The following PCGF5 variants were observed in gnomAD, a reference collection of about 807,000 sequenced individuals.
PCGF5 encodes the protein polycomb group ring finger 5.
A neutral mutation model predicts 44.3 loss-of-function variants in PCGF5; 9 were observed. That is an observed-to-expected ratio of 0.20 (90% CI 0.12 to 0.35). The LOEUF (loss-of-function observed/expected upper bound fraction) is 0.35, where lower values mean the gene tolerates loss of function less well. PCGF5 is among the 10% of genes least tolerant of loss of function. PCGF5 has a pLI of 1.00. For synonymous variants in PCGF5, 95 were observed against 102.5 expected, an observed-to-expected ratio of 0.93 and a Z score of 0.44; for missense variants, 146 against 305.3, an observed-to-expected ratio of 0.48 and a Z score of 3.89.
chr10:91,173,502 C>T (rs191362511), intron 1 of PCGF5, among the ~76,000 whole-genome samples: 40 of 151,134 alleles, frequency 2.6e-4, no homozygotes, highest in African/African-American at 9.7e-4. Context: ...AACTACCACC[C>T]AGCTCAAGAA....
chr10:91,270,351 C>A, intron 8 of PCGF5, among the ~76,000 whole-genome samples: 1 of 149,324 alleles, frequency 6.7e-6, no homozygotes, highest in African/African-American at 2.5e-5. Flanking sequence ...CAAGTATATA[C>A]ATCTTGACTG....
At chr10:91,259,041 G>T (rs1464671626) in intron 6 of PCGF5, among the ~76,000 whole-genome samples, 3 of 152,030 alleles carry the variant, frequency 2.0e-5, no homozygotes, top group Non-Finnish European at 4.4e-5. Context: ...ATGTAATTTT[G>T]TTTCACATAT....
At chr10:91,178,541 C>A (rs1336015516) in intron 1 of PCGF5, among the ~76,000 whole-genome samples, 1 of 151,920 alleles carries the variant, frequency 6.6e-6, no homozygotes, top group Non-Finnish European at 1.5e-5. Flanking sequence ...AAGTGCAATT[C>A]ACCACACCCG....
chr10:91,219,525 C>T (rs572343279), upstream of PCGF5, among the ~76,000 whole-genome samples: 1 of 152,158 alleles, frequency 6.6e-6, no homozygotes, highest in Non-Finnish European at 1.5e-5. Context: ...AAAGAGTAAT[C>T]CTACTGCCAT....
At chr10:91,178,158 A>T (rs1336918503) in intron 1 of PCGF5, among the ~76,000 whole-genome samples, 1 of 152,230 alleles carries the variant, frequency 6.6e-6, no homozygotes, top group Non-Finnish European at 1.5e-5. Context: ...CTGGGAAAAA[A>T]CATTGGCATA....
At chr10:91,190,755 C>T (rs1053283362) in intron 1 of PCGF5, among the ~76,000 whole-genome samples, 5 of 152,124 alleles carry the variant, frequency 3.3e-5, no homozygotes, top group Non-Finnish European at 5.9e-5. Flanking sequence ...TGAGCTGTTG[C>T]TTTAAATGTA....
intron 1 of PCGF5, among the ~76,000 whole-genome samples, chr10:91,188,369 T>C (rs1246094447): frequency 6.6e-6 from 1 of 152,212 alleles, no homozygotes; most frequent in Non-Finnish European, 1.5e-5. Context: ...TCTAAAATCA[T>C]AGGCTTTAGT....
chr10:91,270,008 T>C lies in PCGF5; in HGVS notation c.664-1630T>C, dbSNP rs146550590. On this transcript the variant is annotated intron_variant, in intron 8 of 9. Transcript: ENST00000336126. ...AACTAAGAATTAATGAAATATTATA[T>C]ACTGAAGTGTTTAGCAGAGTGTCTG... Among the ~76,000 whole-genome samples, 276 of 152,350 alleles carry C rather than the reference T, an allele frequency of 1.8e-3. 1 individual carries two copies. The highest frequency in any genetic ancestry group is 6.1e-3 in the African/African-American group (255 of 41,584).
Position 91,172,098 on chromosome 10 carries a change from C to T in PCGF5, c.-184+9017C>T, listed in dbSNP as rs545896738. 1.2e-4 allele frequency among the ~76,000 whole-genome samples: 19 copies of T among 152,300 alleles called. No individual in the cohort carries two copies. The South Asian group carries it at 3.7e-3, about 30-fold the overall frequency. On this transcript the variant is annotated intron_variant, in intron 1 of 9. Transcript: ENST00000614189. Reference sequence around the variant, plus strand: ...ACAGACGTGTGGCAGAGCTAGCTCTCGAAATAACTGGGATCTCTGAATCTC... The same window carrying T: ...ACAGACGTGTGGCAGAGCTAGCTCTTGAAATAACTGGGATCTCTGAATCTC...
Position 91,279,500 on chromosome 10 carries a change from A to G in PCGF5, c.*1184A>G, listed in dbSNP as rs985488826. On this transcript the variant is annotated 3_prime_UTR_variant, in exon 10 of 10. Coordinates refer to ENST00000336126, the MANE Select transcript of PCGF5 (RefSeq NM_032373.5). ...TTATTTTATACATGAGTTCATTAAG[A>G]TCAGAAATACAAAATGTCCTGTATT... 1 of 152,186 alleles carries G rather than the reference A, an allele frequency of 6.6e-6. No homozygotes were observed. Among genetic ancestry groups the G allele is most frequent in the Non-Finnish European group, 1.5e-5 (1 of 68,000 alleles). 9.4% of individuals were successfully genotyped at this position (152,186 alleles called of 1,614,324 possible).
chr10:91,184,888 G>A (rs1468337446), intron 1 of PCGF5, among the ~76,000 whole-genome samples: 2 of 152,174 alleles, frequency 1.3e-5, no homozygotes, highest in African/African-American at 2.4e-5. Context: ...CCTTCCTGTG[G>A]GAGTCCCATC....
chr10:91,226,894 G>A (rs190673600), intron 2 of PCGF5, among the ~76,000 whole-genome samples: 2 of 152,126 alleles, frequency 1.3e-5, no homozygotes, highest in Admixed American at 1.3e-4. Flanking sequence ...CCCTTCAGTA[G>A]GCCAGGGACA....
intron 1 of PCGF5, among the ~76,000 whole-genome samples, chr10:91,163,344 G>T (rs963986901): frequency 6.6e-6 from 1 of 151,634 alleles, no homozygotes; most frequent in African/African-American, 2.4e-5. Flanking sequence ...GGCGGGCAAG[G>T]GGAGGGCCCC....
intron 3 of PCGF5, among the ~76,000 whole-genome samples, chr10:91,244,653 A>C (rs943585878): frequency 3.3e-5 from 5 of 152,136 alleles, no homozygotes; most frequent in African/African-American, 1.2e-4. Flanking sequence ...AATTGCAATG[A>C]CCCTGGTGAG....
chr10:91,156,266 A>C, the PCGF5 span, among the ~76,000 whole-genome samples: 11 of 152,202 alleles, frequency 7.2e-5, no homozygotes, highest in Non-Finnish European at 1.6e-4. Context: ...GGGTACCTAG[A>C]AAGGAACTTC....
At chr10:91,259,380 A>C (rs1431285469) in intron 6 of PCGF5, among the ~76,000 whole-genome samples, 1 of 152,116 alleles carries the variant, frequency 6.6e-6, no homozygotes, top group Non-Finnish European at 1.5e-5. Context: ...GCTCTTTCTG[A>C]AATTATTTAA....
At chr10:91,168,370 A>T (rs778052856) in intron 1 of PCGF5, among the ~76,000 whole-genome samples, 17 of 152,270 alleles carry the variant, frequency 1.1e-4, no homozygotes, top group Non-Finnish European at 1.8e-4. Context: ...AAGGATCCTG[A>T]TAGGGTAGAG....
intron 1 of PCGF5, among the ~76,000 whole-genome samples, chr10:91,176,444 T>C (rs533567525): frequency 3.3e-5 from 5 of 152,324 alleles, no homozygotes; most frequent in East Asian, 3.9e-4. Flanking sequence ...TTTCCTGAAT[T>C]TGAATGTTGG....
intron 1 of PCGF5, among the ~76,000 whole-genome samples, chr10:91,176,279 A>T (rs1274039009): frequency 6.6e-6 from 1 of 152,270 alleles, no homozygotes; most frequent in African/African-American, 2.4e-5. Context: ...CCGAGAGATC[A>T]GCTGTTAGTC....
Sources: gnomAD v4.1 joint callset for allele counts (sites outside exome capture counted in the v4.1 genomes callset) on GRCh38, gnomAD v4.1.1 for gene constraint, MANE v1.5 for transcripts, NCBI Gene and HGNC (gene_info 2026-07-23, HGNC 2026-07-21) for gene names.